The following ARHGAP23 variants were observed in gnomAD, a reference collection of about 807,000 sequenced individuals.
ARHGAP23 encodes Rho GTPase activating protein 23.
In ARHGAP23, 34 loss-of-function variants were observed where a neutral mutation model predicts 136.3. The ratio of observed to expected loss-of-function variants is 0.25; its 90% CI spans 0.19 to 0.33. ARHGAP23 has a LOEUF of 0.33. Ranked by LOEUF, ARHGAP23 falls within the 10% of genes least tolerant of loss-of-function variation. The pLI is 1.00. For missense variants in ARHGAP23, 1,808 were observed against 2,139.0 expected (o/e 0.85, Z 3.05); for synonymous variants, 832 against 920.5 (o/e 0.90, Z 1.74).
chr17:38,422,597 G>T lies in ARHGAP23; in HGVS notation n.120+3198G>T, dbSNP rs1451370480. Among the ~76,000 whole-genome samples the T allele has an allele frequency of 2.6e-5, 4 of 152,228 alleles. No individual in the cohort carries two copies. The South Asian group carries it at 6.2e-4, about 24-fold the overall frequency. ...CATGGGGCCTCGCTGGGTGTGGCTTGCTTACCCTGCTGCCAGCTTACCCTG... is the reference window on the plus strand; with the variant it reads ...CATGGGGCCTCGCTGGGTGTGGCTTTCTTACCCTGCTGCCAGCTTACCCTG... On this transcript the variant is annotated intron_variant and non_coding_transcript_variant, in intron 1 of 4. Transcript: ENST00000633445.
intron 1 of ARHGAP23, among the ~76,000 whole-genome samples, chr17:38,419,775 C>A (rs2038500999): frequency 6.6e-6 from 1 of 152,098 alleles, no homozygotes; most frequent in Non-Finnish European, 1.5e-5. Flanking sequence ...AGGCTACAGA[C>A]TCTGCAGAAT....
intron 1 of ARHGAP23, among the ~76,000 whole-genome samples, chr17:38,435,691 C>T (rs1250040534): frequency 6.6e-5 from 10 of 152,152 alleles, no homozygotes; most frequent in Admixed American, 5.2e-4. Flanking sequence ...CAACCTCTCC[C>T]GGGTTCAAGA....
intron 1 of ARHGAP23, among the ~76,000 whole-genome samples, chr17:38,453,203 T>C (rs2039221557): frequency 6.6e-6 from 1 of 151,976 alleles, no homozygotes; most frequent in Admixed American, 6.6e-5. Context: ...GGCGGATGTC[T>C]GAGGTGTGTG....
At chr17:38,429,586 T>C (rs56405503) in intron 1 of ARHGAP23, among the ~76,000 whole-genome samples, 41,662 of 152,130 alleles carry the variant, frequency 0.27, 6,321 homozygotes, top group African/African-American at 0.39. Context: ...GCAACTCTTT[T>C]GGAGACTGGT....
chr17:38,482,669 G>A lies in ARHGAP23; in HGVS notation c.2898G>A (p.Leu966=). The part of the protein sequence containing the change: ...QLNRGPGDIN[L]QDERWQDLNV... The stretch of plus-strand genomic sequence containing the variant: ...ACCGCGGGCCTGGTGACATCAACCT[G>A]CAGGATGAGGTGGGTGAAGCTGGGG... The change falls in exon 16 of 24, where the codon CTG becomes CTA. Residue 966 remains leucine, a synonymous_variant. Transcript: ENST00000622683. 6.5e-7 allele frequency: 1 copy of A among 1,548,008 alleles called. No individual in the cohort carries two copies. The highest frequency in any genetic ancestry group is 1.2e-5 in the South Asian group (1 of 83,910).
Position 38,511,131 on chromosome 17 carries a change from C to A in ARHGAP23, c.*159C>A. ...TCTCTAGTTGGTGTGCTGGAACTGG[C>A]AGGGCAGAGGAGAAGGCTGGGGCCG... On this transcript the variant is annotated 3_prime_UTR_variant, in exon 24 of 24. Coordinates refer to ENST00000622683, the MANE Select transcript of ARHGAP23 (RefSeq NM_001199417.2). 1.3e-6 allele frequency: 1 copy of A among 783,158 alleles called. No individual in the cohort carries two copies. The highest frequency in any genetic ancestry group is 1.8e-6 in the Non-Finnish European group (1 of 542,720). 48.5% of individuals were successfully genotyped at this position (783,158 alleles called of 1,614,324 possible).
intron 1 of ARHGAP23, among the ~76,000 whole-genome samples, chr17:38,439,027 T>A (rs2038863470): frequency 6.6e-6 from 1 of 151,480 alleles, no homozygotes; most frequent in African/African-American, 2.4e-5. Flanking sequence ...AATACAAAAA[T>A]TAGCTGGGTG....
At chr17:38,451,387 C>T (rs1327070016) in intron 1 of ARHGAP23, 1 of 152,286 alleles carries the variant, frequency 6.6e-6, no homozygotes, top group Non-Finnish European at 1.5e-5. Context: ...TCCAAGGTCT[C>T]TGCAGTCTGA....
intron 11 of ARHGAP23, among the ~76,000 whole-genome samples, chr17:38,472,497 G>A (rs1408802946): frequency 1.3e-5 from 2 of 152,188 alleles, no homozygotes; most frequent in African/African-American, 4.8e-5. Flanking sequence ...GAGTTAGGGA[G>A]GGGCCATGCT....
intron 12 of ARHGAP23, among the ~76,000 whole-genome samples, chr17:38,478,107 G>A (rs1326024317): frequency 2.0e-5 from 3 of 152,202 alleles, no homozygotes; most frequent in Non-Finnish European, 4.4e-5. Context: ...TCAGGTGCGG[G>A]GACCGGCAGT....
intron 20 of ARHGAP23, among the ~76,000 whole-genome samples, chr17:38,492,750 G>A (rs2040304807): frequency 2.0e-5 from 3 of 152,228 alleles, no homozygotes; most frequent in Admixed American, 6.5e-5. Flanking sequence ...TGCTGCATCC[G>A]GACACTGGGA....
rs760018008 is a variant in ARHGAP23, at chr17:38,479,822, G to T, written c.2568G>T (p.Glu856Asp). The T allele has an allele frequency of 4.6e-6, 7 of 1,537,370 alleles. No individual in the cohort carries two copies. The Middle Eastern group carries it at 1.2e-3, about 255-fold the overall frequency. Residue 856 changes from glutamate (E) to aspartate (D), a missense_variant, in exon 14 of 24, where the codon GAG becomes GAT. This residue lies in a region of ARHGAP23 where 73 missense variants were observed against 82.5 expected (regional missense o/e 0.88). Transcript: ENST00000622683. ...GCGGCCTGGGGGGCCTCAAGTCTGA[G>T]TTCCTCAAGCAGAGTGCGGCACGTG... ...GSRGLGGLKS[E>D]FLKQSAARGL... is the part of the protein sequence containing the mutation.
intron 20 of ARHGAP23, among the ~76,000 whole-genome samples, chr17:38,497,516 G>A (rs1380540315): frequency 1.3e-5 from 2 of 152,234 alleles, no homozygotes; most frequent in Non-Finnish European, 2.9e-5. Flanking sequence ...CCTATCTCCT[G>A]TCTGAGGTGA....
At chr17:38,496,763 G>A (rs1183470188) in intron 20 of ARHGAP23, among the ~76,000 whole-genome samples, 3 of 152,178 alleles carry the variant, frequency 2.0e-5, no homozygotes, top group Admixed American at 6.5e-5. Context: ...GACCAGTCTG[G>A]CCAACATGAC....
chr17:38,459,717 G>T (rs1449112618), intron 2 of ARHGAP23, among the ~76,000 whole-genome samples: 1 of 152,220 alleles, frequency 6.6e-6, no homozygotes, highest in Non-Finnish European at 1.5e-5. Flanking sequence ...CCTTTGGCCT[G>T]GAGGCAGGAG....
At chr17:38,425,648 C>T (rs2038562178), upstream of ARHGAP23, among the ~76,000 whole-genome samples, 1 of 152,132 alleles carries the variant, frequency 6.6e-6, no homozygotes, top group Admixed American at 6.5e-5. Context: ...GAGACTCTCC[C>T]CATGTTGGGC....
At chr17:38,447,464 A>AAAAAAAAAAAAAAG (rs2039062087) in intron 1 of ARHGAP23, among the ~76,000 whole-genome samples, 1 of 150,720 alleles carries the variant, frequency 6.6e-6, no homozygotes, top group Non-Finnish European at 1.5e-5. Context: ...AAAAAAAAAA[A>AAAAAAAAAAAAAAG]AGAAATAATT....
At chr17:38,497,315 C>G (rs1393028525) in intron 20 of ARHGAP23, among the ~76,000 whole-genome samples, 1 of 152,234 alleles carries the variant, frequency 6.6e-6, no homozygotes, top group Admixed American at 6.5e-5. Context: ...ACGTGACACC[C>G]CTGTTGTCAG....
In ARHGAP23 at chr17:38,510,009, C is replaced by T; in HGVS notation, c.3513C>T (p.Ala1171=). Residue 1171 remains alanine, a synonymous_variant, in exon 24 of 24, where the codon GCC becomes GCT. Coordinates refer to ENST00000622683, the MANE Select transcript of ARHGAP23 (RefSeq NM_001199417.2). The surrounding 1 kb of genome is among the most constrained non-coding windows in gnomAD (Gnocchi z 4.6). ...TGCTGGCGATCTCCTTCATCTCGGC[C>T]GTCAACCGCAAGCGCAAGAAGCGGC... ...REMLAISFIS[A]VNRKRKKRRE... 8.0e-7 allele frequency: 1 copy of T among 1,250,946 alleles called. No homozygotes were observed. 77.5% of individuals were successfully genotyped at this position (1,250,946 alleles called of 1,614,324 possible).
Sources: gnomAD v4.1 joint callset for allele counts (sites outside exome capture counted in the v4.1 genomes callset) on GRCh38, gnomAD v4.1.1 for gene constraint, gnomAD v4.1.1 regional missense constraint, Gnocchi (gnomAD v3.1) non-coding constraint, MANE v1.5 for transcripts, NCBI Gene and HGNC (gene_info 2026-07-23, HGNC 2026-07-21) for gene names.